GYS2: variants seen among roughly 807,000 people sequenced by gnomAD.
GYS2 encodes glycogen [starch] synthase, liver.
In GYS2, 80 loss-of-function variants were observed where a neutral mutation model predicts 85.6. That is an observed-to-expected ratio of 0.93 (90% CI 0.78 to 1.13). The LOEUF is 1.13. GYS2 is among the 50% of genes most tolerant of loss of function. The pLI is 0.00. For missense variants in GYS2, 881 were observed against 854.9 expected, an observed-to-expected ratio of 1.03 and a Z score of -0.38; for synonymous variants, 328 against 300.7, an observed-to-expected ratio of 1.09 and a Z score of -0.94.
At chr12:21,561,672 T>C (rs1473426) in intron 7 of GYS2, among the ~76,000 whole-genome samples, 110,189 of 152,012 alleles carry the variant, frequency 0.72, 40,221 homozygotes, top group South Asian at 0.79. Context: ...TCCCTAAAGA[T>C]TGTATATGTG....
At position 21,560,444 on chromosome 12, in the gene GYS2, T is replaced by C. The variant is rs1489497076; in HGVS notation, c.1111A>G (p.Lys371Glu). ...TVMVFFIMPA[K>E]TNNFNVETLK... ...GTTTCCACGTTGAAATTATTTGTCT[T>C]GGCAGGCATAATGAAAAACACCATC... Residue 371 changes from lysine (K) to glutamate (E), a missense_variant, in exon 8 of 16, where the codon AAG becomes GAG. Coordinates refer to ENST00000261195, the MANE Select transcript of GYS2 (RefSeq NM_021957.4). 6.2e-7 allele frequency: 1 copy of C among 1,609,750 alleles called. No homozygotes were observed. The highest frequency in any genetic ancestry group is 1.3e-5 in the African/African-American group (1 of 74,836).
chr12:21,571,229 T>C (rs1944381336), intron 4 of GYS2, among the ~76,000 whole-genome samples: 2 of 152,190 alleles, frequency 1.3e-5, no homozygotes, highest in African/African-American at 4.8e-5. Flanking sequence ...GGCACACTTA[T>C]CTTTTAGGTC....
intron 1 of GYS2, among the ~76,000 whole-genome samples, chr12:21,591,078 A>T (rs1944633271): frequency 1.3e-5 from 2 of 152,208 alleles, no homozygotes; most frequent in African/African-American, 4.8e-5. Flanking sequence ...AAACATAAAA[A>T]GGTGAAGAAA....
At chr12:21,547,875 C>T (rs1409554815) in intron 11 of GYS2, among the ~76,000 whole-genome samples, 5 of 152,146 alleles carry the variant, frequency 3.3e-5, no homozygotes, top group Non-Finnish European at 7.4e-5. Context: ...CAAATGGACA[C>T]TGTACTTTCT....
At chr12:21,566,294 CG>C (rs770694270) in intron 5 of GYS2, among the ~76,000 whole-genome samples, 7 of 151,640 alleles carry the variant, frequency 4.6e-5, no homozygotes, top group Non-Finnish European at 1.0e-4. Flanking sequence ...AACTTTTAAT[CG>C]GGGAAGACTT....
At chr12:21,571,171 GGGAAGTC>G (rs1413241276) in intron 4 of GYS2, among the ~76,000 whole-genome samples, 1 of 152,138 alleles carries the variant, frequency 6.6e-6, no homozygotes, top group Non-Finnish European at 1.5e-5. Flanking sequence ...AGAGGCCTTG[GGGAAGTC>G]GGGTGGGTGT....
intron 13 of GYS2, among the ~76,000 whole-genome samples, chr12:21,540,818 C>T (rs1048025931): frequency 3.9e-5 from 6 of 152,086 alleles, no homozygotes; most frequent in South Asian, 2.1e-4. Flanking sequence ...TCTAGGGATA[C>T]GCTGGATCAG....
chr12:21,567,537 T>G (rs572075302), intron 5 of GYS2, among the ~76,000 whole-genome samples: 1 of 151,704 alleles, frequency 6.6e-6, no homozygotes, highest in South Asian at 2.1e-4. Context: ...TCTTGTTTTT[T>G]TTTTTTTTTT....
At chr12:21,598,650 T>G (rs934347025) in intron 1 of GYS2, among the ~76,000 whole-genome samples, 1 of 152,118 alleles carries the variant, frequency 6.6e-6, no homozygotes, top group African/African-American at 2.4e-5. Flanking sequence ...CATTCCTATT[T>G]TCATATTTGA....
intron 1 of GYS2, among the ~76,000 whole-genome samples, chr12:21,598,604 A>G (rs970992192): frequency 3.9e-5 from 6 of 152,114 alleles, no homozygotes; most frequent in Admixed American, 1.3e-4. Flanking sequence ...TTAACAAGCT[A>G]GAATATAAGT....
At position 21,559,756 on chromosome 12, in the gene GYS2, T is replaced by G. The variant is rs781226231; in HGVS notation, c.1170-46A>C. On this transcript the variant is annotated intron_variant, in intron 8 of 15. Transcript: ENST00000261195. ...TATCATTTAAACAGTATGACAATGT[T>G]TAATCTTTATTTGTCACGATAATGC... 3.5e-6 allele frequency: 4 copies of G among 1,153,524 alleles called. No individual in the cohort carries two copies. The South Asian group carries it at 4.9e-5, about 14-fold the overall frequency. 71.5% of individuals were successfully genotyped at this position (1,153,524 alleles called of 1,614,324 possible). A position where few individuals can be genotyped will look rare whatever the true frequency, so the allele number is the denominator to read the frequency against.
chr12:21,591,294 C>T (rs551792127), intron 1 of GYS2, among the ~76,000 whole-genome samples: 168 of 151,996 alleles, frequency 1.1e-3, no homozygotes, highest in African/African-American at 3.7e-3. Context: ...GAGATAGATA[C>T]AACAAGAATG....
intron 11 of GYS2, among the ~76,000 whole-genome samples, chr12:21,547,148 A>C (rs1215670838): frequency 2.0e-5 from 3 of 152,204 alleles, no homozygotes; most frequent in Non-Finnish European, 4.4e-5. Context: ...TTTTACTCAG[A>C]GTAAAAGCCA....
chr12:21,586,940 G>A (rs981872911), intron 1 of GYS2, among the ~76,000 whole-genome samples: 6 of 152,172 alleles, frequency 3.9e-5, no homozygotes, highest in Admixed American at 1.3e-4. Flanking sequence ...ACCAATGGAC[G>A]ATTGGATAAA....
chr12:21,591,332 A>C (rs1024434328), intron 1 of GYS2, among the ~76,000 whole-genome samples: 1 of 152,140 alleles, frequency 6.6e-6, no homozygotes, highest in African/African-American at 2.4e-5. Flanking sequence ...GTAACTGAAG[A>C]GTTTATTGAA....
Position 21,569,026 on chromosome 12 carries a change from T to G in GYS2, c.679-17A>C. Reference sequence around the variant, plus strand: ...AATGTTAAACTGTTAGAAACAAAAATAAAACACACATTTGCTAACAATGGC... The same window carrying G: ...AATGTTAAACTGTTAGAAACAAAAAGAAAACACACATTTGCTAACAATGGC... On this transcript the variant is annotated splice_polypyrimidine_tract_variant and intron_variant, in intron 4 of 15. Transcript: ENST00000261195. 1 of 1,613,718 alleles carries G rather than the reference T, an allele frequency of 6.2e-7. No homozygotes were observed. The highest frequency in any genetic ancestry group is 8.5e-7 in the Non-Finnish European group (1 of 1,179,666).
At position 21,604,517 on chromosome 12, in the gene GYS2, C is replaced by A; in HGVS notation, c.76G>T (p.Glu26Ter). The A allele has an allele frequency of 1.2e-6, 2 of 1,612,822 alleles. No homozygotes were observed. The highest frequency in any genetic ancestry group is 1.7e-6 in the Non-Finnish European group (2 of 1,179,036). Residue 26 changes from glutamate to a stop codon, truncating the protein, a stop_gained, in exon 1 of 16, where the codon GAG (glutamate) becomes TAG (stop). Coordinates refer to ENST00000261195, the MANE Select transcript of GYS2 (RefSeq NM_021957.4). LOFTEE classifies it high-confidence loss of function. ...PQWEVEELPV[E>*]ELLLFEVAWE... ...GCAACTTCAAAGAGCAGTAACTCCT[C>A]CACAGGAAGTTCTTCGACTTCCCAC...
intron 1 of GYS2, among the ~76,000 whole-genome samples, chr12:21,582,618 TATAG>T (rs1401488443): frequency 6.6e-6 from 1 of 151,796 alleles, no homozygotes; most frequent in Admixed American, 6.6e-5. Flanking sequence ...TAGATATAGA[TATAG>T]ATATAGATAT....
chr12:21,551,077 G>A (rs1249929487), intron 11 of GYS2, among the ~76,000 whole-genome samples: 3 of 150,880 alleles, frequency 2.0e-5, no homozygotes, highest in South Asian at 2.1e-4. Flanking sequence ...AGTTACATAC[G>A]TATACATGTG....
Sources: gnomAD v4.1 joint callset for allele counts (sites outside exome capture counted in the v4.1 genomes callset) on GRCh38, gnomAD v4.1.1 for gene constraint, MANE v1.5 for transcripts, NCBI Gene and HGNC (gene_info 2026-07-23, HGNC 2026-07-21) for gene names.